EPS8L2: variants seen among roughly 807,000 people sequenced by gnomAD.
EPS8L2 encodes the protein epidermal growth factor receptor kinase substrate 8-like protein 2.
EPS8L2 carries 81 observed loss-of-function variants against 99.4 expected under a neutral mutation model. The ratio of observed to expected loss-of-function variants is 0.82; its 90% CI spans 0.68 to 0.98. The LOEUF (loss-of-function observed/expected upper bound fraction) is 0.98, where lower values mean the gene tolerates loss of function less well. Ranked by LOEUF, EPS8L2 falls within the 50% of genes least tolerant of loss-of-function variation. The probability of loss-of-function intolerance (pLI) is 0.00; values close to 1 mark genes in which losing one functional copy is unlikely to be tolerated. For missense variants in EPS8L2, 1,155 were observed against 968.8 expected (o/e 1.19, Z -2.55); for synonymous variants, 509 against 407.3 (o/e 1.25, Z -3.01).
intron 4 of EPS8L2, among the ~76,000 whole-genome samples, chr11:718,185 T>C (rs970269956): frequency 1.3e-5 from 2 of 151,628 alleles, no homozygotes; most frequent in African/African-American, 4.9e-5. Context: ...ATACAAAAAT[T>C]AGTCGGGTGT....
intron 4 of EPS8L2, among the ~76,000 whole-genome samples, chr11:715,040 A>T (rs1367224987): frequency 6.6e-6 from 1 of 152,130 alleles, no homozygotes; most frequent in Admixed American, 6.6e-5. Flanking sequence ...CAGGAGATCA[A>T]GACCATTCTG....
At chr11:722,910 C>A (rs1466977958) in intron 14 of EPS8L2, 105 bp downstream of exon 14, 22 of 688,218 alleles carry the variant, frequency 3.2e-5, no homozygotes, top group Admixed American at 1.6e-4. Context: ...GCTCCCCCCC[C>A]AGCCCTGACA....
chr11:720,415 G>A (rs1862124405), intron 5 of EPS8L2, 182 bp from the exon 6 acceptor site: 3 of 1,141,770 alleles, frequency 2.6e-6, no homozygotes, highest in Non-Finnish European at 3.7e-6. Context: ...AAGTTTGGAA[G>A]CCGGGGTCAG....
intron 4 of EPS8L2, among the ~76,000 whole-genome samples, chr11:717,689 G>A (rs1564973632): frequency 6.6e-6 from 1 of 151,956 alleles, no homozygotes; most frequent in Non-Finnish European, 1.5e-5. Context: ...GACCAGCCTG[G>A]GCAACATAGC....
intron 19 of EPS8L2, 32 bp from the exon 20 acceptor site, chr11:726,587 C>T (rs1245620821): frequency 3.3e-6 from 5 of 1,532,978 alleles, no homozygotes; most frequent in African/African-American, 1.4e-5. Flanking sequence ...TCGCTCACAG[C>T]GCGGCCCTGA....
rs1007195605 is a variant in EPS8L2, at chr11:724,221, C to T, written c.1455-503C>T. 6.6e-6 allele frequency among the ~76,000 whole-genome samples: 1 copy of T among 152,186 alleles called. No individual in the cohort carries two copies. Among genetic ancestry groups the T allele is most frequent in the Admixed American group, 6.5e-5 (1 of 15,284 alleles). ...ACATGCCAAAGCCAGGACCCCTCAG[C>T]CAGGGCCAGCCCCCCCGCGCTTTTG... On this transcript the variant is annotated intron_variant, in intron 15 of 20. Coordinates refer to ENST00000318562, the MANE Select transcript of EPS8L2 (RefSeq NM_022772.4). This position sits in a 1 kb window ranked among gnomAD's most constrained non-coding sequence, Gnocchi z 5.5.
intron 3 of EPS8L2, chr11:709,870 A>C (rs1861837410): frequency 1.8e-6 from 1 of 562,034 alleles, no homozygotes; most frequent in Non-Finnish European, 3.2e-6. Flanking sequence ...CATTGCTGTA[A>C]CCTGATCACA....
rs775248143 is a variant in EPS8L2 at position 721,589 on chromosome 11, G to C, written c.793G>C (p.Asp265His). The change falls in exon 10 of 21, where the codon GAC (aspartate) becomes CAC (histidine). Residue 265 changes from aspartate (D) to histidine (H), a missense_variant. Physicochemically the swap from Asp to His is moderately conservative, Grantham distance 81. Transcript: ENST00000318562. ...ETQILNCALD[D>H]IEWFVARLQK... ...GCAAATCCTCAACTGCGCCCTGGACGACATCGAGTGGTTTGTGGCCCGGCT... is the reference window on the plus strand; with the variant it reads ...GCAAATCCTCAACTGCGCCCTGGACCACATCGAGTGGTTTGTGGCCCGGCT... 6.4e-7 allele frequency: 1 copy of C among 1,568,640 alleles called. No individual in the cohort carries two copies.
intron 4 of EPS8L2, among the ~76,000 whole-genome samples, chr11:714,130 A>G (rs1384206491): frequency 6.6e-6 from 1 of 152,106 alleles, no homozygotes; most frequent in Non-Finnish European, 1.5e-5. Flanking sequence ...CTAAGAAGTC[A>G]TCCTTTGACC....
At position 722,800 on chromosome 11, in the gene EPS8L2, G is replaced by T. The variant is rs775607895; in HGVS notation, c.1336G>T (p.Glu446Ter). The T allele has an allele frequency of 1.3e-6, 2 of 1,567,350 alleles. No homozygotes were observed. The highest frequency in any genetic ancestry group is 1.4e-5 in the African/African-American group (1 of 73,944). ...EVEGLASAPI[E>*]EVSPVSRQSI... Reference sequence around the variant, plus strand: ...GGAGGGGCTGGCGTCTGCCCCCATCGAGGAGGTGAGAGCACCAGCAGCCCC... The same window carrying T: ...GGAGGGGCTGGCGTCTGCCCCCATCTAGGAGGTGAGAGCACCAGCAGCCCC... Residue 446 changes from glutamate to a stop codon, truncating the protein, a stop_gained, in exon 14 of 21, where the codon GAG becomes TAG. Coordinates refer to ENST00000318562, the MANE Select transcript of EPS8L2 (RefSeq NM_022772.4). LOFTEE classifies it high-confidence loss of function.
Position 726,932 on chromosome 11 carries a change from T to C in EPS8L2, c.2099T>C (p.Leu700Pro). The C allele has an allele frequency of 6.2e-7, 1 of 1,613,370 alleles. No homozygotes were observed. Among genetic ancestry groups the C allele is most frequent in the Non-Finnish European group, 8.5e-7 (1 of 1,179,916 alleles). ...KQQSGSELEELMNKFHSMNQR... is the reference protein window; with the variant it reads ...KQQSGSELEEPMNKFHSMNQR... ...CAAAGTGGGTCGGAGCTGGAAGAAC[T>C]CATGAACAAGTTTCATTCCATGAAT... The change falls in exon 21 of 21, where the codon CTC (leucine) becomes CCC (proline). Residue 700 changes from leucine (L) to proline (P), a missense_variant. Transcript: ENST00000318562.
At position 720,093 on chromosome 11, in the gene EPS8L2, A is replaced by T; in HGVS notation, c.197A>T (p.Glu66Val). The T allele has an allele frequency of 6.2e-7, 1 of 1,613,258 alleles. No individual in the cohort carries two copies. The highest frequency in any genetic ancestry group is 8.5e-7 in the Non-Finnish European group (1 of 1,179,890). The change falls in exon 5 of 21, where the codon GAA becomes GTA. Residue 66 changes from glutamate (E) to valine (V), a missense_variant. Transcript: ENST00000318562. ...HLATFIMDKS[E>V]AITSVDDAIR... ...GCCACATTCATCATGGACAAGAGCG[A>T]AGCCATCACGTCTGTGGACGACGCC...
intron 4 of EPS8L2, among the ~76,000 whole-genome samples, chr11:715,966 ATCT>A (rs1323039345): frequency 1.4e-5 from 1 of 72,942 alleles, no homozygotes; most frequent in Non-Finnish European, 2.7e-5. Context: ...TAGATTATTT[ATCT>A]TTTTTTTTTT....
intron 4 of EPS8L2, among the ~76,000 whole-genome samples, chr11:719,788 T>C (rs1252885746): frequency 6.6e-6 from 1 of 152,106 alleles, no homozygotes; most frequent in African/African-American, 2.4e-5. Context: ...GTACTGAGCC[T>C]GCACCAGGAG....
chr11:709,790 C>G (rs1590045959), intron 3 of EPS8L2, 182 bp downstream of exon 3: 1 of 642,940 alleles, frequency 1.6e-6, no homozygotes, highest in East Asian at 2.7e-5. Flanking sequence ...TGGATCCCCT[C>G]CCCCACACCC....
intron 11 of EPS8L2, 45 bp from the exon 12 acceptor site, chr11:722,046 G>A: frequency 1.2e-6 from 2 of 1,607,706 alleles, no homozygotes; most frequent in South Asian, 1.1e-5. Context: ...GGAGGGTGGA[G>A]GCCCCGCCCC....
At chr11:715,733 G>A (rs957561092) in intron 4 of EPS8L2, among the ~76,000 whole-genome samples, 2 of 144,742 alleles carry the variant, frequency 1.4e-5, no homozygotes, top group Non-Finnish European at 3.0e-5. Flanking sequence ...CCATTCTCCT[G>A]CCTCAGCCTC....
chr11:721,362 C>T lies in EPS8L2; in HGVS notation c.768+10C>T, dbSNP rs987859427. 50 of 1,536,982 alleles carry T rather than the reference C, an allele frequency of 3.3e-5. No individual in the cohort carries two copies. Among genetic ancestry groups the T allele is most frequent in the African/African-American group, 4.1e-5 (3 of 72,596 alleles). On this transcript the variant is annotated intron_variant, in intron 9 of 20. Transcript: ENST00000318562. ...GATAGAGAAGGAGACGGTGGGTGCCCGGGCCCGGCAGGTGGCCCCTCTCTT... is the reference window on the plus strand; with the variant it reads ...GATAGAGAAGGAGACGGTGGGTGCCTGGGCCCGGCAGGTGGCCCCTCTCTT...
At chr11:723,440 G>C (rs902295348) in intron 15 of EPS8L2, 87 bp downstream of exon 15, 11 of 558,178 alleles carry the variant, frequency 2.0e-5, no homozygotes, top group Non-Finnish European at 3.1e-5. Flanking sequence ...GCTGCCACCA[G>C]GTGGTGGCAA....
Sources: allele counts gnomAD v4.1 joint callset (sites outside exome capture counted in the v4.1 genomes callset), GRCh38; gene constraint gnomAD v4.1.1; non-coding constraint Gnocchi (gnomAD v3.1); transcripts MANE v1.5; gene names NCBI Gene and HGNC (gene_info 2026-07-23, HGNC 2026-07-21).